The following DENND5B variants were observed in gnomAD, a reference collection of about 807,000 sequenced individuals.
The protein encoded by DENND5B is DENN domain-containing protein 5B.
Under a neutral mutation model 140.6 loss-of-function variants are expected in DENND5B, and 34 were observed. The ratio of observed to expected loss-of-function variants is 0.24; its 90% CI spans 0.18 to 0.32. DENND5B has a LOEUF of 0.32. DENND5B is among the 10% of genes least tolerant of loss of function. The pLI is 1.00. For missense variants in DENND5B, 1,142 were observed against 1,560.2 expected, an observed-to-expected ratio of 0.73 and a Z score of 4.52; for synonymous variants, 551 against 562.1, an observed-to-expected ratio of 0.98 and a Z score of 0.28.
intron 1 of DENND5B, among the ~76,000 whole-genome samples, chr12:31,535,978 C>T (rs1387629595): frequency 2.4e-5 from 2 of 84,614 alleles, no homozygotes; most frequent in Non-Finnish European, 4.1e-5. Flanking sequence ...GCCATCCCCT[C>T]GGTACTGTTC....
intron 1 of DENND5B, among the ~76,000 whole-genome samples, chr12:31,563,406 T>TAAAAAC (rs1039430898): frequency 7.2e-5 from 11 of 152,042 alleles, no homozygotes; most frequent in East Asian, 3.9e-4. Flanking sequence ...CCTTTGGGGG[T>TAAAAAC]AAAAACAAAA....
rs75115006 is a variant in DENND5B at position 31,391,324 on chromosome 12, C to T, written c.3466+943G>A. On this transcript the variant is annotated intron_variant, in intron 19 of 20. Transcript: ENST00000389082. ...GCTCACTTCCTCACCTACATGAAGTCTGTGCTCCAATGTACCTTGACATTC... is the reference window on the plus strand; with the variant it reads ...GCTCACTTCCTCACCTACATGAAGTTTGTGCTCCAATGTACCTTGACATTC... Among the ~76,000 whole-genome samples, 214 of 152,298 alleles carry T rather than the reference C, an allele frequency of 1.4e-3. 2 individuals carry two copies. Among genetic ancestry groups the T allele is most frequent in the African/African-American group, 4.9e-3 (205 of 41,560 alleles).
chr12:31,521,932 G>GT, intron 1 of DENND5B, among the ~76,000 whole-genome samples: 1 of 152,278 alleles, frequency 6.6e-6, no homozygotes, highest in Non-Finnish European at 1.5e-5. Context: ...GGCTCTTTAT[G>GT]ACTGGATAAA....
chr12:31,496,004 G>T, intron 1 of DENND5B, 85 bp from the exon 2 acceptor site: 1 of 896,072 alleles, frequency 1.1e-6, no homozygotes, highest in South Asian at 2.1e-5. Context: ...TCCTACTACT[G>T]ACTGATAATG....
chr12:31,481,823 A>G (rs1198251049), intron 2 of DENND5B, among the ~76,000 whole-genome samples: 3 of 152,194 alleles, frequency 2.0e-5, no homozygotes, highest in Admixed American at 6.5e-5. Flanking sequence ...GCCTCTTAGC[A>G]CATCCATCTT....
At chr12:31,579,547 G>A (rs1317799327) in intron 1 of DENND5B, among the ~76,000 whole-genome samples, 1 of 152,120 alleles carries the variant, frequency 6.6e-6, no homozygotes. Context: ...TGTAGTCCCA[G>A]CTACTTGGGA....
chr12:31,434,507 A>C (rs1298972778), intron 7 of DENND5B, among the ~76,000 whole-genome samples: 1 of 152,178 alleles, frequency 6.6e-6, no homozygotes, highest in African/African-American at 2.4e-5. Context: ...CATGTGCCCT[A>C]GACCCAGACC....
At chr12:31,415,201 C>T (rs754510631) in intron 12 of DENND5B, among the ~76,000 whole-genome samples, 166 bp downstream of exon 12, 1 of 152,146 alleles carries the variant, frequency 6.6e-6, no homozygotes, top group Non-Finnish European at 1.5e-5. Context: ...TCAGGAAACA[C>T]TACAATGGTA....
chr12:31,574,722 GC>G (rs1419184963), intron 1 of DENND5B, among the ~76,000 whole-genome samples: 1 of 152,016 alleles, frequency 6.6e-6, no homozygotes, highest in Non-Finnish European at 1.5e-5. Flanking sequence ...TTCCCCATTG[GC>G]CCCATCCACC....
intron 4 of DENND5B, among the ~76,000 whole-genome samples, chr12:31,454,646 T>A (rs1007875633): frequency 1.3e-5 from 2 of 151,736 alleles, no homozygotes; most frequent in Non-Finnish European, 2.9e-5. Context: ...GGTTTCACCA[T>A]CTTGGCCAGG....
In DENND5B at chr12:31,479,999, C is replaced by T; in HGVS notation, c.494G>A (p.Gly165Glu). The change falls in exon 3 of 21, where the codon GGA becomes GAA. Residue 165 changes from glycine to glutamate, a missense_variant. Physicochemically the swap from Gly to Glu is moderately conservative, Grantham distance 98. Transcript: ENST00000389082. ...GAGTTTCAAAAGGGAAGTTGTATCTCCTTCATCAAGACTACTTGCCAATGA... is the reference window on the plus strand; with the variant it reads ...GAGTTTCAAAAGGGAAGTTGTATCTTCTTCATCAAGACTACTTGCCAATGA... ...MDSLASSLDE[G>E]DTTSLLKLQR... 6.2e-7 allele frequency: 1 copy of T among 1,613,972 alleles called. No homozygotes were observed. The highest frequency in any genetic ancestry group is 8.5e-7 in the Non-Finnish European group (1 of 1,179,874).
chr12:31,459,086 C>A lies in DENND5B; in HGVS notation c.1092+1108G>T, dbSNP rs182604101. The stretch of plus-strand genomic sequence containing the variant: ...AATTAGCTGGGCGTGGTGGTGCATG[C>A]CTGTAATCCCAGCTACTCGGGAGGA... On this transcript the variant is annotated intron_variant, in intron 4 of 20. Transcript: ENST00000389082. Among the ~76,000 whole-genome samples, 126 of 152,114 alleles carry A rather than the reference C, an allele frequency of 8.3e-4. 1 individual carries two copies. The highest frequency in any genetic ancestry group is 2.7e-3 in the African/African-American group (110 of 41,494).
intron 2 of DENND5B, among the ~76,000 whole-genome samples, chr12:31,487,260 T>C (rs557493491): frequency 1.3e-5 from 2 of 152,222 alleles, no homozygotes; most frequent in East Asian, 3.9e-4. Flanking sequence ...CTGGATTTGG[T>C]AGGGGGTAAA....
At position 31,480,780 on chromosome 12, in the gene DENND5B, C is replaced by A. The variant is rs965707794; in HGVS notation, c.238-525G>T. 5.5e-4 allele frequency among the ~76,000 whole-genome samples: 83 copies of A among 152,148 alleles called. 1 individual carries two copies. The highest frequency in any genetic ancestry group is 1.9e-3 in the African/African-American group (80 of 41,438). On this transcript the variant is annotated intron_variant, in intron 2 of 20. Transcript: ENST00000389082. ...AGAATAATAAAAACAACAGTGTCAT[C>A]TTTGCTATTTTGAATAGTATGGTAT...
intron 6 of DENND5B, among the ~76,000 whole-genome samples, chr12:31,444,416 G>T (rs2138009571): frequency 6.6e-6 from 1 of 152,192 alleles, no homozygotes; most frequent in East Asian, 1.9e-4. Flanking sequence ...GCTAATTTTT[G>T]TATTTTTAGT....
intron 1 of DENND5B, among the ~76,000 whole-genome samples, chr12:31,527,086 C>T (rs1259377155): frequency 4.6e-5 from 7 of 151,834 alleles, no homozygotes; most frequent in South Asian, 2.1e-4. Context: ...ATAAGTTACA[C>T]GGTATGAGAG....
intron 1 of DENND5B, among the ~76,000 whole-genome samples, chr12:31,586,412 G>A (rs147199897): frequency 3.3e-5 from 5 of 152,286 alleles, no homozygotes; most frequent in African/African-American, 4.8e-5. Context: ...CTTCGATGTG[G>A]TACAGAAAGG....
rs1945979244 is a variant in DENND5B at position 31,479,669 on chromosome 12, A to T, written c.824T>A (p.Phe275Tyr). Residue 275 changes from phenylalanine to tyrosine, a missense_variant, in exon 3 of 21, where the codon TTT becomes TAT. Physicochemically the swap from Phe to Tyr is conservative, Grantham distance 22 (BLOSUM62 3). Transcript: ENST00000389082. The part of the protein sequence containing the change: ...PLSDYPLREA[F>Y]ELLGLENLVQ... ...CAGGTTCTCTAATCCCAGGAGCTCA[A>T]ATGCCTCCCGAAGGGGGTAATCAGA... is the stretch of plus-strand genomic sequence containing the variant. The T allele has an allele frequency of 6.3e-7, 1 of 1,578,120 alleles. No homozygotes were observed. Among genetic ancestry groups the T allele is most frequent in the Non-Finnish European group, 8.6e-7 (1 of 1,162,586 alleles).
At chr12:31,403,579 T>G (rs1593070660) in intron 14 of DENND5B, among the ~76,000 whole-genome samples, 23 of 108,090 alleles carry the variant, frequency 2.1e-4, no homozygotes, top group Admixed American at 5.1e-4. Context: ...GGCAACAGAG[T>G]GAGACTCTGC....
Sources: gnomAD v4.1 joint callset for allele counts (sites outside exome capture counted in the v4.1 genomes callset) on GRCh38, gnomAD v4.1.1 for gene constraint, MANE v1.5 for transcripts, NCBI Gene and HGNC (gene_info 2026-07-23, HGNC 2026-07-21) for gene names.